LIN7A: variants seen among roughly 807,000 people sequenced by gnomAD.
The protein encoded by LIN7A is protein lin-7 homolog A.
In LIN7A, 25 loss-of-function variants were observed where a neutral mutation model predicts 29.8. That is an observed-to-expected ratio of 0.84 (90% CI 0.61 to 1.17). LIN7A has a LOEUF of 1.17. LIN7A is among the 50% of genes most tolerant of loss of function. LIN7A has a pLI of 0.00. For missense variants in LIN7A, 239 were observed against 287.0 expected (o/e 0.83, Z 1.21); for synonymous variants, 118 against 107.5 (o/e 1.10, Z -0.60).
At chr12:80,909,108 A>G (rs1293421107) in intron 1 of LIN7A, among the ~76,000 whole-genome samples, 1 of 152,056 alleles carries the variant, frequency 6.6e-6, no homozygotes, top group Non-Finnish European at 1.5e-5. Flanking sequence ...TAGGTCTTAC[A>G]TTTACATTTT....
chr12:80,931,999 C>T (rs929851388), intron 1 of LIN7A, among the ~76,000 whole-genome samples: 2 of 152,150 alleles, frequency 1.3e-5, no homozygotes, highest in African/African-American at 2.4e-5. Context: ...AACAAACAAA[C>T]AAACTAGGAG....
chr12:80,855,647 G>A (rs1873557586), intron 2 of LIN7A, among the ~76,000 whole-genome samples: 1 of 151,998 alleles, frequency 6.6e-6, no homozygotes, highest in Non-Finnish European at 1.5e-5. Context: ...GGCCAAGGGA[G>A]GTATCTAAAA....
chr12:80,884,604 A>G (rs1875232683), intron 2 of LIN7A, among the ~76,000 whole-genome samples: 1 of 151,158 alleles, frequency 6.6e-6, no homozygotes, highest in Non-Finnish European at 1.5e-5. Flanking sequence ...AGCAGTTATC[A>G]TAACCATAGA....
intron 1 of LIN7A, among the ~76,000 whole-genome samples, chr12:80,905,821 T>C (rs1306904435): frequency 6.6e-6 from 1 of 152,162 alleles, no homozygotes; most frequent in East Asian, 1.9e-4. Flanking sequence ...TTTCCTAGTA[T>C]TTCATTTTCT....
At chr12:80,856,199 T>C (rs1214172942) in intron 2 of LIN7A, among the ~76,000 whole-genome samples, 2 of 152,068 alleles carry the variant, frequency 1.3e-5, no homozygotes. Context: ...CCAGTGAAAA[T>C]CCAAGAAGGA....
At chr12:80,845,161 C>T (rs943806304) in intron 4 of LIN7A, among the ~76,000 whole-genome samples, 3 of 149,878 alleles carry the variant, frequency 2.0e-5, no homozygotes, top group South Asian at 2.1e-4. Flanking sequence ...GGTGTGAACC[C>T]GGGAGGCGGA....
At chr12:80,897,047 T>A (rs1418541956) in intron 1 of LIN7A, among the ~76,000 whole-genome samples, 1 of 152,200 alleles carries the variant, frequency 6.6e-6, no homozygotes, top group Non-Finnish European at 1.5e-5. Flanking sequence ...TCCTAGGAAC[T>A]ATATTTAGCA....
intron 1 of LIN7A, among the ~76,000 whole-genome samples, chr12:80,931,680 G>C (rs542355009): frequency 1.6e-4 from 24 of 151,248 alleles, no homozygotes; most frequent in African/African-American, 5.8e-4. Context: ...GGAGTGTTTT[G>C]TAACTATATA....
intron 1 of LIN7A, among the ~76,000 whole-genome samples, chr12:80,925,632 T>C (rs1467721045): frequency 1.3e-5 from 2 of 152,170 alleles, no homozygotes; most frequent in African/African-American, 2.4e-5. Flanking sequence ...AACTGAGACT[T>C]ATTCAAGTAA....
At chr12:80,848,825 G>A (rs942889398) in intron 2 of LIN7A, among the ~76,000 whole-genome samples, 2 of 152,044 alleles carry the variant, frequency 1.3e-5, no homozygotes, top group South Asian at 4.1e-4. Context: ...AGCTATTTCA[G>A]TAAAAAAGGA....
At chr12:80,892,655 G>T (rs1490608847) in intron 1 of LIN7A, among the ~76,000 whole-genome samples, 2 of 152,044 alleles carry the variant, frequency 1.3e-5, no homozygotes, top group Admixed American at 1.3e-4. Flanking sequence ...CAGAACAGTG[G>T]TTTTCAACCT....
chr12:80,885,356 T>C (rs2120618138), intron 2 of LIN7A, among the ~76,000 whole-genome samples: 1 of 152,242 alleles, frequency 6.6e-6, no homozygotes, highest in South Asian at 2.1e-4. Context: ...ATCGGTACCA[T>C]AAAATATTTA....
chr12:80,890,599 A>T (rs574169342), intron 1 of LIN7A, among the ~76,000 whole-genome samples: 2 of 152,168 alleles, frequency 1.3e-5, no homozygotes, highest in Non-Finnish European at 2.9e-5. Context: ...TAAAATAACA[A>T]AAAGTGACTT....
At chr12:80,873,631 T>C (rs1332162987) in intron 2 of LIN7A, among the ~76,000 whole-genome samples, 1 of 152,132 alleles carries the variant, frequency 6.6e-6, no homozygotes. Flanking sequence ...CACCTGTGCA[T>C]TGTCAACAAG....
Position 80,908,211 on chromosome 12 carries a change from T to C in LIN7A, c.83-18842A>G, listed in dbSNP as rs531759564. On this transcript the variant is annotated intron_variant, in intron 1 of 5. Coordinates refer to ENST00000552864, the MANE Select transcript of LIN7A (RefSeq NM_004664.4). Reference sequence around the variant, plus strand: ...TAAATATAGATTTGTTTAGTTAAGATTTAAGAAATATAGACTTAGATTTAG... The same window carrying C: ...TAAATATAGATTTGTTTAGTTAAGACTTAAGAAATATAGACTTAGATTTAG... Among the ~76,000 whole-genome samples the C allele has an allele frequency of 2.2e-4, 34 of 152,218 alleles. No homozygotes were observed. In the South Asian group the frequency reaches 6.6e-3, roughly 30 times the overall value.
chr12:80,912,448 G>T (rs945854071), intron 1 of LIN7A, among the ~76,000 whole-genome samples: 1 of 152,082 alleles, frequency 6.6e-6, no homozygotes. Context: ...GGGCATGGTG[G>T]CTCACACCTG....
At chr12:80,826,958 C>T (rs1236987229) in intron 4 of LIN7A, among the ~76,000 whole-genome samples, 2 of 152,288 alleles carry the variant, frequency 1.3e-5, no homozygotes, top group Admixed American at 6.5e-5. Flanking sequence ...GCACAGTGCA[C>T]AGTACTCATC....
chr12:80,886,330 G>A (rs1429260654), intron 2 of LIN7A, among the ~76,000 whole-genome samples: 1 of 151,712 alleles, frequency 6.6e-6, no homozygotes, highest in South Asian at 2.1e-4. Flanking sequence ...TTCTTTACTG[G>A]CATTTGGTTT....
At chr12:80,862,421 T>C (rs1232800872) in intron 2 of LIN7A, among the ~76,000 whole-genome samples, 7 of 152,230 alleles carry the variant, frequency 4.6e-5, no homozygotes, top group African/African-American at 1.4e-4. Context: ...CCACTGTTTC[T>C]AGAGAAAATA....
Sources: allele counts gnomAD v4.1 joint callset (sites outside exome capture counted in the v4.1 genomes callset), GRCh38; gene constraint gnomAD v4.1.1; transcripts MANE v1.5; gene names NCBI Gene and HGNC (gene_info 2026-07-23, HGNC 2026-07-21).